The following SEMA3A variants were observed in gnomAD, a reference collection of about 807,000 sequenced individuals.
SEMA3A encodes semaphorin-3A.
Under a neutral mutation model 97.9 loss-of-function variants are expected in SEMA3A, and 29 were observed. The observed-to-expected ratio is 0.30, with a 90% confidence interval of 0.22 to 0.40. The LOEUF (loss-of-function observed/expected upper bound fraction) is 0.40, where lower values mean the gene tolerates loss of function less well. Ranked by LOEUF, SEMA3A falls within the 10% of genes least tolerant of loss-of-function variation. The pLI, the probability that SEMA3A is intolerant of heterozygous loss-of-function variation, is 1.00. For missense variants in SEMA3A, 763 were observed against 951.3 expected, an observed-to-expected ratio of 0.80 and a Z score of 2.60; for synonymous variants, 321 against 323.7, an observed-to-expected ratio of 0.99 and a Z score of 0.09.
chr7:84,425,338 T>A (rs889020756), intron 1 of SEMA3A, among the ~76,000 whole-genome samples: 7 of 86,344 alleles, frequency 8.1e-5, no homozygotes, highest in Admixed American at 2.5e-4. Flanking sequence ...AAATATAATA[T>A]ATTGATATAA....
intron 6 of SEMA3A, 90 bp downstream of exon 6, chr7:84,046,234 A>T: frequency 7.0e-7 from 1 of 1,424,482 alleles, no homozygotes; most frequent in South Asian, 1.4e-5. Flanking sequence ...ATAAATTTCA[A>T]GTCATATTGC....
At chr7:84,406,272 T>A (rs1804084423) in intron 1 of SEMA3A, among the ~76,000 whole-genome samples, 1 of 152,184 alleles carries the variant, frequency 6.6e-6, no homozygotes, top group African/African-American at 2.4e-5. Flanking sequence ...TATAAACACC[T>A]CTAGGCAAAT....
chr7:84,251,165 C>G (rs1799598649), intron 3 of SEMA3A, among the ~76,000 whole-genome samples: 1 of 152,096 alleles, frequency 6.6e-6, no homozygotes, highest in Admixed American at 6.5e-5. Context: ...TTAATGACAC[C>G]ATTAATTTCT....
At chr7:84,411,177 C>T (rs546319978) in intron 1 of SEMA3A, among the ~76,000 whole-genome samples, 2 of 152,094 alleles carry the variant, frequency 1.3e-5, no homozygotes, top group South Asian at 2.1e-4. Flanking sequence ...TCTTCTCCCA[C>T]CCTGTAATAC....
chr7:84,392,466 C>T (rs1255604384), intron 1 of SEMA3A, among the ~76,000 whole-genome samples: 1 of 152,078 alleles, frequency 6.6e-6, no homozygotes, highest in African/African-American at 2.4e-5. Flanking sequence ...ATCTCTTCAC[C>T]TAGTGATGGT....
At chr7:84,444,710 C>A (rs1009242938) in intron 1 of SEMA3A, among the ~76,000 whole-genome samples, 1 of 151,826 alleles carries the variant, frequency 6.6e-6, no homozygotes, top group South Asian at 2.1e-4. Flanking sequence ...TACAGGTGCC[C>A]GCTACCACAC....
intron 1 of SEMA3A, among the ~76,000 whole-genome samples, chr7:84,453,331 G>T (rs1805608667): frequency 6.6e-6 from 1 of 151,490 alleles, no homozygotes; most frequent in East Asian, 2.0e-4. Flanking sequence ...CGCCCCCTGG[G>T]GTTCACGCCA....
intron 1 of SEMA3A, among the ~76,000 whole-genome samples, chr7:84,490,660 T>C (rs1342103349): frequency 2.0e-5 from 3 of 152,204 alleles, no homozygotes; most frequent in Non-Finnish European, 2.9e-5. Flanking sequence ...GCATTAAAAA[T>C]GTGCAATATA....
In SEMA3A at chr7:83,961,201, G is replaced by A. The variant is rs1025157914; in HGVS notation, c.*170C>T. The A allele has an allele frequency of 2.7e-5, 17 of 624,454 alleles. No individual in the cohort carries two copies. The highest frequency in any genetic ancestry group is 2.2e-4 in the African/African-American group (12 of 54,204). The allele number at this position is 624,454 out of a possible 1,614,324, so 38.7% of individuals were successfully genotyped here. A position where few individuals can be genotyped will look rare whatever the true frequency, so the allele number is the denominator to read the frequency against. ...TGGTATTAGGAAAAAAAGCCTATTAGGAAAGTTACTCATGGATTTAATTTA... is the reference window on the plus strand; with the variant it reads ...TGGTATTAGGAAAAAAAGCCTATTAAGAAAGTTACTCATGGATTTAATTTA... On this transcript the variant is annotated 3_prime_UTR_variant, in exon 17 of 17. Coordinates refer to ENST00000265362, the MANE Select transcript of SEMA3A (RefSeq NM_006080.3).
chr7:84,082,893 T>C (rs1794208173), intron 4 of SEMA3A, among the ~76,000 whole-genome samples: 1 of 151,996 alleles, frequency 6.6e-6, no homozygotes, highest in Non-Finnish European at 1.5e-5. Flanking sequence ...GTCTCCTTTT[T>C]ACAGGGTCAC....
At chr7:84,424,494 A>ATT (rs1804693262) in intron 1 of SEMA3A, among the ~76,000 whole-genome samples, 1 of 83,528 alleles carries the variant, frequency 1.2e-5, no homozygotes, top group Admixed American at 2.1e-4. Flanking sequence ...ATTGATATAT[A>ATT]ATATATAATA....
chr7:84,130,293 G>T (rs1477487671), intron 2 of SEMA3A, among the ~76,000 whole-genome samples: 1 of 151,994 alleles, frequency 6.6e-6, no homozygotes, highest in South Asian at 2.1e-4. Context: ...TTGGGCAAAG[G>T]CTATGATATT....
At position 84,249,368 on chromosome 7, in the gene SEMA3A, C is replaced by CATCTATGT. The variant is rs1554351552; in HGVS notation, c.-82-54701_-82-54700insACATAGAT. ...AGTCTCTCTCTCTCTCTCTGTCTAT[C>CATCTATGT]ATCTATCTATCTATCTATCTATCTA... is the stretch of plus-strand genomic sequence containing the variant. On this transcript the variant is annotated intron_variant, in intron 3 of 3. Transcript: ENST00000424555. 2.8e-5 allele frequency among the ~76,000 whole-genome samples: 4 copies of CATCTATGT among 143,140 alleles called. No individual in the cohort carries two copies. In the East Asian group the frequency reaches 8.4e-4, roughly 30 times the overall value. The allele number at this position is 143,140 out of a possible 152,430, so 93.9% of individuals were successfully genotyped here.
At chr7:84,340,555 G>C (rs1468604089) in intron 2 of SEMA3A, among the ~76,000 whole-genome samples, 2 of 151,962 alleles carry the variant, frequency 1.3e-5, no homozygotes, top group Non-Finnish European at 2.9e-5. Flanking sequence ...GAGGCAGGTG[G>C]ATCACCTGAG....
At chr7:84,273,393 T>A (rs764416960) in intron 3 of SEMA3A, among the ~76,000 whole-genome samples, 2 of 152,096 alleles carry the variant, frequency 1.3e-5, no homozygotes, top group South Asian at 2.1e-4. Context: ...TTAAGAAGCA[T>A]AATTAATGAT....
At chr7:84,425,099 A>G (rs1328322948) in intron 1 of SEMA3A, among the ~76,000 whole-genome samples, 1 of 107,500 alleles carries the variant, frequency 9.3e-6, no homozygotes, top group Non-Finnish European at 1.7e-5. Flanking sequence ...TTTTTATATA[A>G]ATATAAATAT....
chr7:84,403,562 C>T (rs1353590580), intron 1 of SEMA3A, among the ~76,000 whole-genome samples: 23 of 152,300 alleles, frequency 1.5e-4, no homozygotes, highest in Admixed American at 2.6e-4. Flanking sequence ...TCTCCCAGCA[C>T]GCAGCTTGAG....
chr7:84,150,754 T>G (rs1361475627), intron 1 of SEMA3A, among the ~76,000 whole-genome samples: 1 of 152,116 alleles, frequency 6.6e-6, no homozygotes, highest in African/African-American at 2.4e-5. Context: ...CAAGGAGGCC[T>G]GCCTGCCTCT....
intron 1 of SEMA3A, among the ~76,000 whole-genome samples, chr7:84,162,818 G>A (rs75635488): frequency 6.6e-6 from 1 of 152,158 alleles, no homozygotes; most frequent in East Asian, 1.9e-4. Context: ...GTACTACTAG[G>A]CCCAAGGAGA....
Sources: allele counts gnomAD v4.1 joint callset (sites outside exome capture counted in the v4.1 genomes callset), GRCh38; gene constraint gnomAD v4.1.1; transcripts MANE v1.5; gene names NCBI Gene and HGNC (gene_info 2026-07-23, HGNC 2026-07-21).